Variants in BCAS3 observed in about 807,000 individuals in gnomAD.
BCAS3 encodes the protein BCAS3 microtubule associated cell migration factor.
BCAS3 carries 53 observed loss-of-function variants against 116.1 expected under a neutral mutation model. The ratio of observed to expected loss-of-function variants is 0.46; its 90% CI spans 0.37 to 0.57. BCAS3 has a LOEUF of 0.57. BCAS3 is among the 20% of genes least tolerant of loss of function. The pLI is 0.00. For synonymous variants in BCAS3, 391 were observed against 408.2 expected (o/e 0.96, Z 0.51); for missense variants, 917 against 1,165.4 (o/e 0.79, Z 3.10).
At chr17:61,190,756 A>G (rs1318533315) in intron 22 of BCAS3, among the ~76,000 whole-genome samples, 2 of 151,940 alleles carry the variant, frequency 1.3e-5, no homozygotes, top group Admixed American at 1.3e-4. Flanking sequence ...GGCATGTGCC[A>G]CCACACCTGG....
At position 61,145,524 on chromosome 17, in the gene BCAS3, G is replaced by A. The variant is rs371079636; in HGVS notation, c.2425+60960G>A. On this transcript the variant is annotated intron_variant, in intron 22 of 23. Transcript: ENST00000407086. The surrounding 1 kb of genome is among the most constrained non-coding windows in gnomAD (Gnocchi z 5.0). ...CTCTACTGAGTACACAGACTTTGGA[G>A]ATGAAAAACAGACGGAGAGAGGCAT... Among the ~76,000 whole-genome samples the A allele has an allele frequency of 3.3e-5, 5 of 152,262 alleles. No individual in the cohort carries two copies. The South Asian group carries it at 1.0e-3, about 32-fold the overall frequency.
rs182000470 is a variant in BCAS3 at position 60,984,413 on chromosome 17, C to T, written c.1222-5558C>T. ...TTCTCTGACCACTTGGGGACTTTTA[C>T]CTAATTCATGTTATTATAATGAAGC... On this transcript the variant is annotated intron_variant, in intron 14 of 23. Coordinates refer to ENST00000407086, the MANE Select transcript of BCAS3 (RefSeq NM_017679.5). 5.9e-5 allele frequency among the ~76,000 whole-genome samples: 9 copies of T among 152,192 alleles called. No individual in the cohort carries two copies. In the East Asian group the frequency reaches 1.7e-3, roughly 29 times the overall value.
chr17:61,266,809 C>T (rs1419214407), intron 22 of BCAS3, among the ~76,000 whole-genome samples: 1 of 152,170 alleles, frequency 6.6e-6, no homozygotes, highest in Non-Finnish European at 1.5e-5. Context: ...TTTGTAAACA[C>T]CCTTTTTCCA....
chr17:61,161,806 A>G lies in BCAS3; in HGVS notation c.2425+77242A>G, dbSNP rs2078183439. ...GTTGAACTCATTCTCCTCAGCTTATATTTAACTCGTCGCTTGTTCTGGAAA... is the reference window on the plus strand; with the variant it reads ...GTTGAACTCATTCTCCTCAGCTTATGTTTAACTCGTCGCTTGTTCTGGAAA... On this transcript the variant is annotated intron_variant, in intron 22 of 23. Transcript: ENST00000407086. This position sits in a 1 kb window ranked among gnomAD's most constrained non-coding sequence, Gnocchi z 4.8. Among the ~76,000 whole-genome samples, 1 of 152,060 alleles carries G rather than the reference A, an allele frequency of 6.6e-6. No homozygotes were observed. The highest frequency in any genetic ancestry group is 2.4e-5 in the African/African-American group (1 of 41,392).
chr17:61,387,139 A>C lies in BCAS3; in HGVS notation c.2594-4838A>C, dbSNP rs151048046. 3.3e-5 allele frequency among the ~76,000 whole-genome samples: 5 copies of C among 152,210 alleles called. No homozygotes were observed. In the East Asian group the frequency reaches 9.7e-4, roughly 29 times the overall value. ...CTCTCCAGCTTTCCCTGCGTCTCAC[A>C]CAGGCCCTGTGCCCTCCGCATTTCA... is the stretch of plus-strand genomic sequence containing the variant. On this transcript the variant is annotated intron_variant, in intron 23 of 23. Coordinates refer to ENST00000407086, the MANE Select transcript of BCAS3 (RefSeq NM_017679.5). The surrounding 1 kb of genome is among the most constrained non-coding windows in gnomAD (Gnocchi z 6.2).
intron 4 of BCAS3, among the ~76,000 whole-genome samples, chr17:60,691,107 AT>A (rs760728812): frequency 1.3e-5 from 2 of 151,688 alleles, no homozygotes; most frequent in South Asian, 2.1e-4. Context: ...TAATTTTTGT[AT>A]TTTTAGTAGA....
rs932372426 is a variant in BCAS3, at chr17:61,380,673, A to G, written c.2594-11304A>G. On this transcript the variant is annotated intron_variant, in intron 23 of 23. Transcript: ENST00000407086. The surrounding 1 kb of genome is among the most constrained non-coding windows in gnomAD (Gnocchi z 4.2). ...CTACCCCCTCGTGCCCAGGCCCAGGAGCACTCTAGGGAGGGCAGGGGTCAG... is the reference window on the plus strand; with the variant it reads ...CTACCCCCTCGTGCCCAGGCCCAGGGGCACTCTAGGGAGGGCAGGGGTCAG... 1.4e-5 allele frequency: 16 copies of G among 1,115,488 alleles called. No individual in the cohort carries two copies. Among genetic ancestry groups the G allele is most frequent in the Admixed American group, 3.9e-5 (2 of 51,280 alleles). 69.1% of individuals were successfully genotyped at this position (1,115,488 alleles called of 1,614,324 possible).
At position 61,098,280 on chromosome 17, in the gene BCAS3, G is replaced by A. The variant is rs2074103147; in HGVS notation, c.2425+13716G>A. The stretch of plus-strand genomic sequence containing the variant: ...AGAACATTGGGACTGAGTTGTGCAT[G>A]GAGAGGAGAAAAATAGAGTCTTTGT... On this transcript the variant is annotated intron_variant, in intron 22 of 23. Coordinates refer to ENST00000407086, the MANE Select transcript of BCAS3 (RefSeq NM_017679.5). The surrounding 1 kb of genome is among the most constrained non-coding windows in gnomAD (Gnocchi z 4.2). Among the ~76,000 whole-genome samples, 1 of 152,210 alleles carries A rather than the reference G, an allele frequency of 6.6e-6. No individual in the cohort carries two copies. Among genetic ancestry groups the A allele is most frequent in the South Asian group, 2.1e-4 (1 of 4,826 alleles).
chr17:60,841,752 G>T (rs1460744786), intron 7 of BCAS3, among the ~76,000 whole-genome samples: 1 of 151,916 alleles, frequency 6.6e-6, no homozygotes. Context: ...GGTCTTACAG[G>T]CTGGAGTAAA....
intron 22 of BCAS3, among the ~76,000 whole-genome samples, chr17:61,237,551 G>T (rs1448950610): frequency 6.6e-6 from 1 of 152,166 alleles, no homozygotes; most frequent in South Asian, 2.1e-4. Context: ...TTGGGTCCTT[G>T]CCACCTTTAA....
intron 22 of BCAS3, among the ~76,000 whole-genome samples, chr17:61,292,292 C>A (rs1296199207): frequency 6.6e-6 from 1 of 152,078 alleles, no homozygotes; most frequent in Non-Finnish European, 1.5e-5. Flanking sequence ...TTGTATTTTT[C>A]TTTTTTATTC....
intron 22 of BCAS3, among the ~76,000 whole-genome samples, chr17:61,338,522 A>T (rs1291974347): frequency 2.6e-5 from 4 of 151,994 alleles, no homozygotes; most frequent in Non-Finnish European, 5.9e-5. Context: ...GGATTCTTCC[A>T]TATGGAAGTG....
chr17:60,734,193 C>T (rs1324655097), intron 5 of BCAS3, among the ~76,000 whole-genome samples: 1 of 152,148 alleles, frequency 6.6e-6, no homozygotes, highest in African/African-American at 2.4e-5. Flanking sequence ...CCCAGTAATG[C>T]GATCCTAGCT....
intron 22 of BCAS3, among the ~76,000 whole-genome samples, chr17:61,107,310 C>T (rs1342417311): frequency 6.6e-6 from 1 of 152,052 alleles, no homozygotes; most frequent in Non-Finnish European, 1.5e-5. Flanking sequence ...TGGTCTTGAA[C>T]TCCTGACCTC....
intron 4 of BCAS3, among the ~76,000 whole-genome samples, chr17:60,701,072 C>T (rs754935785): frequency 2.6e-5 from 4 of 151,626 alleles, no homozygotes; most frequent in East Asian, 1.9e-4. Context: ...GGCAAGACCC[C>T]GCCTCTACTA....
At chr17:60,999,827 T>C (rs1351978916) in intron 15 of BCAS3, among the ~76,000 whole-genome samples, 2 of 152,204 alleles carry the variant, frequency 1.3e-5, no homozygotes, top group African/African-American at 4.8e-5. Context: ...TGTGATTTCT[T>C]TCAGCAGTGT....
At chr17:61,322,856 C>CAGAGAGAGAGAGACAGAGAG (rs2055404974) in intron 22 of BCAS3, among the ~76,000 whole-genome samples, 1 of 60,502 alleles carries the variant, frequency 1.7e-5, no homozygotes, top group Non-Finnish European at 3.4e-5. Flanking sequence ...GAGAGAGAGA[C>CAGAGAGAGAGAGACAGAGAG]AGAGAGAGAG....
rs1020693400 is a variant in BCAS3, at chr17:61,007,995, A to G, written c.1487-7756A>G. On this transcript the variant is annotated intron_variant, in intron 15 of 23. Coordinates refer to ENST00000407086, the MANE Select transcript of BCAS3 (RefSeq NM_017679.5). The surrounding 1 kb of genome is among the most constrained non-coding windows in gnomAD (Gnocchi z 4.3). ...TTTTCTGTCTTTATTTGTCACCCAA[A>G]CTGTTTGTTGTGTTTATAGTCTTTA... is the stretch of plus-strand genomic sequence containing the variant. Among the ~76,000 whole-genome samples, 1 of 151,796 alleles carries G rather than the reference A, an allele frequency of 6.6e-6. No homozygotes were observed. Among genetic ancestry groups the G allele is most frequent in the Non-Finnish European group, 1.5e-5 (1 of 67,900 alleles).
chr17:60,743,473 A>G (rs2041770664), intron 5 of BCAS3, among the ~76,000 whole-genome samples: 1 of 151,172 alleles, frequency 6.6e-6, no homozygotes, highest in Non-Finnish European at 1.5e-5. Context: ...GGATGTATGT[A>G]TTTTTTCTGT....
Sources: allele counts gnomAD v4.1 joint callset (sites outside exome capture counted in the v4.1 genomes callset), GRCh38; gene constraint gnomAD v4.1.1; non-coding constraint Gnocchi (gnomAD v3.1); transcripts MANE v1.5; gene names NCBI Gene and HGNC (gene_info 2026-07-23, HGNC 2026-07-21).